Variants in EYS observed in about 807,000 individuals in gnomAD.
EYS encodes protein eyes shut homolog.
Under a neutral mutation model 282.1 loss-of-function variants are expected in EYS, and 250 were observed. The ratio of observed to expected loss-of-function variants is 0.89; its 90% CI spans 0.80 to 0.98. The LOEUF is 0.98. EYS is among the 50% of genes least tolerant of loss of function. EYS has a pLI of 0.00. For synonymous variants in EYS, 1,355 were observed against 1,282.9 expected (o/e 1.06, Z -1.20); for missense variants, 4,016 against 3,709.0 (o/e 1.08, Z -2.15).
chr6:64,727,227 C>T (rs1378070171), intron 22 of EYS, among the ~76,000 whole-genome samples: 1 of 152,156 alleles, frequency 6.6e-6, no homozygotes, highest in East Asian at 1.9e-4. Flanking sequence ...ATATTAAATT[C>T]TTAAAGTTTT....
chr6:64,849,578 C>T (rs908673925), intron 19 of EYS, among the ~76,000 whole-genome samples: 3 of 152,022 alleles, frequency 2.0e-5, no homozygotes, highest in Non-Finnish European at 4.4e-5. Context: ...GTGGGCTTGA[C>T]TCTTTTTCTC....
In EYS at chr6:64,085,340, GCACA is replaced by G. The variant is rs71551560; in HGVS notation, c.6425-3342_6425-3339del. 3.5e-3 allele frequency among the ~76,000 whole-genome samples: 487 copies of G among 139,878 alleles called. 3 individuals are homozygous for G. The highest frequency in any genetic ancestry group is 0.011 in the African/African-American group (379 of 35,756). 91.8% of individuals were successfully genotyped at this position (139,878 alleles called of 152,430 possible). ...CGCGCGCGCGTGCGCACGTGCGCGC[GCACA>G]CACACACACACACACACACACAGTG... On this transcript the variant is annotated intron_variant, in intron 31 of 42. Coordinates refer to ENST00000503581, the MANE Select transcript of EYS (RefSeq NM_001142800.2).
chr6:63,994,968 T>C (rs1450932398), intron 34 of EYS, among the ~76,000 whole-genome samples: 1 of 151,844 alleles, frequency 6.6e-6, no homozygotes, highest in African/African-American at 2.4e-5. Context: ...GTTTTGACAA[T>C]GATTTCTTGG....
At chr6:64,618,365 T>G (rs1200942181) in intron 23 of EYS, among the ~76,000 whole-genome samples, 2 of 152,148 alleles carry the variant, frequency 1.3e-5, no homozygotes, top group Non-Finnish European at 2.9e-5. Context: ...AACATCATGT[T>G]AACCTAAGTA....
chr6:64,206,977 C>T (rs1480652608), intron 31 of EYS, among the ~76,000 whole-genome samples: 1 of 152,096 alleles, frequency 6.6e-6, no homozygotes. Flanking sequence ...TTCCTCCCAC[C>T]TTCCACCCCG....
At chr6:64,900,846 A>G (rs913403079) in intron 18 of EYS, among the ~76,000 whole-genome samples, 2 of 152,148 alleles carry the variant, frequency 1.3e-5, no homozygotes, top group Non-Finnish European at 2.9e-5. Context: ...TTCCTCAAGG[A>G]TCTAGAACTA....
chr6:65,205,499 C>T (rs957099537), intron 12 of EYS, among the ~76,000 whole-genome samples: 1 of 151,798 alleles, frequency 6.6e-6, no homozygotes, highest in African/African-American at 2.4e-5. Flanking sequence ...AACAGCTAAT[C>T]GAAGTACAAA....
At chr6:65,164,372 G>C (rs1764920047) in intron 12 of EYS, among the ~76,000 whole-genome samples, 1 of 151,234 alleles carries the variant, frequency 6.6e-6, no homozygotes, top group Non-Finnish European at 1.5e-5. Context: ...TGATTGCTAA[G>C]AGAAGACTGC....
chr6:65,441,010 GTT>G (rs1768302614), intron 5 of EYS, among the ~76,000 whole-genome samples: 2 of 148,362 alleles, frequency 1.3e-5, no homozygotes, highest in South Asian at 4.2e-4. Flanking sequence ...CTGTGTGTGT[GTT>G]TGGCACATCA....
rs1233661690 is a variant in EYS at position 64,813,483 on chromosome 6, T to C, written c.3338A>G (p.Tyr1113Cys). 2.6e-6 allele frequency: 4 copies of C among 1,550,658 alleles called. No individual in the cohort carries two copies. Among genetic ancestry groups the C allele is most frequent in the Non-Finnish European group, 3.5e-6 (4 of 1,146,280 alleles). ...ACAATTATCAATGCTTTTTTCACAGTATGCACCAGTGTATCCACGTGGGCA... is the reference window on the plus strand; with the variant it reads ...ACAATTATCAATGCTTTTTTCACAGCATGCACCAGTGTATCCACGTGGGCA... ...CICPRGYTGA[Y>C]CEKSIDNCAE... is the part of the protein sequence containing the mutation. The change falls in exon 22 of 43, where the codon TAC becomes TGC. Residue 1113 changes from tyrosine (Y) to cysteine (C), a missense_variant. Coordinates refer to ENST00000503581, the MANE Select transcript of EYS (RefSeq NM_001142800.2).
At chr6:64,657,570 A>C (rs7452783) in intron 22 of EYS, among the ~76,000 whole-genome samples, 97,153 of 151,880 alleles carry the variant, frequency 0.64, 31,303 homozygotes, top group African/African-American at 0.71. Flanking sequence ...AATATCTCAG[A>C]ATTTGCTTGT....
intron 12 of EYS, among the ~76,000 whole-genome samples, chr6:65,073,800 G>A (rs961936114): frequency 2.0e-5 from 3 of 151,908 alleles, no homozygotes; most frequent in Non-Finnish European, 4.4e-5. Context: ...TTTGAATTTG[G>A]TAGCTCTGGA....
intron 1 of EYS, among the ~76,000 whole-genome samples, chr6:65,693,739 A>T (rs1333307788): frequency 6.7e-6 from 1 of 149,950 alleles, no homozygotes; most frequent in Non-Finnish European, 1.5e-5. Context: ...ATCCATCTGA[A>T]TTTTTTTAAA....
chr6:65,416,909 G>T (rs2150374120), intron 5 of EYS, among the ~76,000 whole-genome samples: 1 of 151,970 alleles, frequency 6.6e-6, no homozygotes, highest in East Asian at 1.9e-4. Flanking sequence ...AGTGACAGAA[G>T]AAATAAATAC....
At chr6:64,249,414 A>T (rs1767132301) in intron 30 of EYS, among the ~76,000 whole-genome samples, 1 of 152,130 alleles carries the variant, frequency 6.6e-6, no homozygotes, top group African/African-American at 2.4e-5. Flanking sequence ...GATGATGAGA[A>T]ATTACTAAAT....
At chr6:64,631,287 C>A (rs1767770616) in intron 22 of EYS, 2 of 152,174 alleles carry the variant, frequency 1.3e-5, no homozygotes, top group Non-Finnish European at 2.9e-5. Context: ...ACAGGAGCCA[C>A]TCTCAAATGA....
intron 18 of EYS, among the ~76,000 whole-genome samples, chr6:64,888,517 C>T (rs1767170828): frequency 6.6e-6 from 1 of 151,830 alleles, no homozygotes; most frequent in Admixed American, 6.6e-5. Flanking sequence ...ATCTTTGTAT[C>T]AGTTGGACAG....
chr6:65,466,335 AAT>A (rs71553516), intron 5 of EYS, among the ~76,000 whole-genome samples: 14,709 of 152,130 alleles, frequency 0.097, 925 homozygotes, highest in South Asian at 0.18. Flanking sequence ...TTAGACCTAG[AAT>A]ATAAAATACG....
intron 31 of EYS, among the ~76,000 whole-genome samples, chr6:64,175,046 G>A (rs890914354): frequency 2.6e-5 from 4 of 151,816 alleles, no homozygotes; most frequent in Non-Finnish European, 5.9e-5. Flanking sequence ...GAATCTTTAA[G>A]GTTTCTTTCC....
Sources: allele counts gnomAD v4.1 joint callset (sites outside exome capture counted in the v4.1 genomes callset), GRCh38; gene constraint gnomAD v4.1.1; transcripts MANE v1.5; gene names NCBI Gene and HGNC (gene_info 2026-07-23, HGNC 2026-07-21).